Variants in SCHIP1 observed in about 807,000 individuals in gnomAD.
SCHIP1 encodes the protein schwannomin interacting protein 1, also known as schwannomin-interacting protein 1.
SCHIP1 carries 8 observed loss-of-function variants against 29.7 expected under a neutral mutation model. The ratio of observed to expected loss-of-function variants is 0.27; its 90% CI spans 0.16 to 0.49. The LOEUF (loss-of-function observed/expected upper bound fraction) is 0.49. SCHIP1 is among the 20% of genes least tolerant of loss of function. The pLI, the probability that SCHIP1 is intolerant of heterozygous loss-of-function variation, is 0.99. For missense variants in SCHIP1, 193 were observed against 294.6 expected, an observed-to-expected ratio of 0.66 and a Z score of 2.52; for synonymous variants, 76 against 94.9, an observed-to-expected ratio of 0.80 and a Z score of 1.16.
At chr3:159,413,333 G>T in the SCHIP1 span, among the ~76,000 whole-genome samples, 19 of 152,282 alleles carry the variant, frequency 1.2e-4, 1 homozygote, top group East Asian at 1.5e-3. Context: ...CTCAATGGCG[G>T]TTATGCAGAT....
chr3:159,620,762 G>T, the SCHIP1 span, among the ~76,000 whole-genome samples: 1 of 152,230 alleles, frequency 6.6e-6, no homozygotes, highest in African/African-American at 2.4e-5. Flanking sequence ...GGCTTGTTGG[G>T]TGTAGAGATC....
chr3:159,765,894 A>G, the SCHIP1 span, among the ~76,000 whole-genome samples: 2 of 152,182 alleles, frequency 1.3e-5, no homozygotes, highest in African/African-American at 2.4e-5. Context: ...CAATTCAGGA[A>G]AGCCAGACAG....
At chr3:159,780,347 T>C in the SCHIP1 span, among the ~76,000 whole-genome samples, 1 of 152,266 alleles carries the variant, frequency 6.6e-6, no homozygotes, top group African/African-American at 2.4e-5. Context: ...CTGTTGATTC[T>C]GTGGGTTTGT....
At chr3:159,831,444 A>T in the SCHIP1 span, among the ~76,000 whole-genome samples, 1 of 152,218 alleles carries the variant, frequency 6.6e-6, no homozygotes, top group African/African-American at 2.4e-5. Flanking sequence ...AACCGTGGAT[A>T]GTCCCAAACC....
chr3:159,543,414 G>T, the SCHIP1 span, among the ~76,000 whole-genome samples: 1 of 125,722 alleles, frequency 8.0e-6, no homozygotes, highest in Non-Finnish European at 1.6e-5. Flanking sequence ...CCCCCTTCCT[G>T]TGTCCATGTG....
the SCHIP1 span, among the ~76,000 whole-genome samples, chr3:159,486,343 C>A: frequency 1.6e-4 from 24 of 152,188 alleles, no homozygotes; most frequent in Admixed American, 1.5e-3. Context: ...ATCCTATTCC[C>A]GGCTTCTATG....
chr3:159,434,092 A>G, the SCHIP1 span, among the ~76,000 whole-genome samples: 2 of 152,064 alleles, frequency 1.3e-5, no homozygotes, highest in Non-Finnish European at 2.9e-5. Context: ...ATCTCAGTGA[A>G]CTCTATAAAA....
chr3:159,406,862 G>T, the SCHIP1 span, among the ~76,000 whole-genome samples: 2 of 152,014 alleles, frequency 1.3e-5, no homozygotes, highest in Non-Finnish European at 2.9e-5. Context: ...CAATACTCAT[G>T]GTAATCTCAA....
At chr3:159,341,910 A>C in the SCHIP1 span, among the ~76,000 whole-genome samples, 3 of 152,336 alleles carry the variant, frequency 2.0e-5, no homozygotes, top group South Asian at 6.2e-4. Flanking sequence ...TTATATAAAC[A>C]CTATGTCAAG....
chr3:159,393,714 T>C, the SCHIP1 span, among the ~76,000 whole-genome samples: 2 of 151,032 alleles, frequency 1.3e-5, no homozygotes, highest in Non-Finnish European at 3.0e-5. Context: ...TTGGTTACTG[T>C]AGCCTTGTAG....
At chr3:159,340,329 A>C in the SCHIP1 span, among the ~76,000 whole-genome samples, 3 of 152,040 alleles carry the variant, frequency 2.0e-5, no homozygotes, top group African/African-American at 7.2e-5. Flanking sequence ...TTTTCTCATT[A>C]AATGATGCAA....
the SCHIP1 span, among the ~76,000 whole-genome samples, chr3:159,422,901 A>G: frequency 6.6e-6 from 1 of 152,230 alleles, no homozygotes; most frequent in Non-Finnish European, 1.5e-5. Flanking sequence ...TGCTGCTGCC[A>G]TGAACATTCT....
At chr3:159,730,733 C>A in the SCHIP1 span, among the ~76,000 whole-genome samples, 1 of 152,016 alleles carries the variant, frequency 6.6e-6, no homozygotes, top group African/African-American at 2.4e-5. Flanking sequence ...GCAAATAAAT[C>A]ATGTATTTAT....
the SCHIP1 span, among the ~76,000 whole-genome samples, chr3:159,311,084 C>A: frequency 6.6e-6 from 1 of 152,060 alleles, no homozygotes; most frequent in Admixed American, 6.6e-5. Flanking sequence ...CTCTCCTTTC[C>A]TAAAGGGAAG....
the SCHIP1 span, among the ~76,000 whole-genome samples, chr3:159,549,405 G>A: frequency 6.6e-6 from 1 of 152,126 alleles, no homozygotes; most frequent in African/African-American, 2.4e-5. Context: ...TCCTCGTGTG[G>A]CTTTAATTGG....
chr3:159,773,068 G>A, the SCHIP1 span, among the ~76,000 whole-genome samples: 1 of 152,178 alleles, frequency 6.6e-6, no homozygotes, highest in Admixed American at 6.5e-5. Context: ...ATAGAAATTT[G>A]TTTTTATTTC....
chr3:159,483,085 C>T, the SCHIP1 span, among the ~76,000 whole-genome samples: 20 of 152,296 alleles, frequency 1.3e-4, no homozygotes, highest in Admixed American at 2.6e-4. Context: ...TTGGGGATAG[C>T]TGACAGAGCT....
At chr3:159,548,848 T>C in the SCHIP1 span, among the ~76,000 whole-genome samples, 2 of 152,158 alleles carry the variant, frequency 1.3e-5, no homozygotes, top group African/African-American at 4.8e-5. Context: ...AATTAGATGC[T>C]GCTAATTTCG....
chr3:159,746,465 A>T, the SCHIP1 span, among the ~76,000 whole-genome samples: 1 of 152,166 alleles, frequency 6.6e-6, no homozygotes, highest in South Asian at 2.1e-4. Context: ...TAGACTCTAA[A>T]TCATTTTATA....
Sources: allele counts gnomAD v4.1 joint callset (sites outside exome capture counted in the v4.1 genomes callset), GRCh38; gene constraint gnomAD v4.1.1; transcripts MANE v1.5; gene names NCBI Gene and HGNC (gene_info 2026-07-23, HGNC 2026-07-21).